The following SPAG16 variants were observed in gnomAD, a reference collection of about 807,000 sequenced individuals.
SPAG16 encodes the protein sperm associated antigen 16.
Under a neutral mutation model 80.4 loss-of-function variants are expected in SPAG16, and 86 were observed. The observed-to-expected ratio is 1.07, with a 90% CI of 0.90 to 1.28. The LOEUF (loss-of-function observed/expected upper bound fraction) is 1.28, where lower values mean the gene tolerates loss of function less well. Among genes scored for constraint, SPAG16 ranks in the 50% most tolerant of loss-of-function variants. The pLI is 0.00. For missense variants in SPAG16, 870 were observed against 765.3 expected (o/e 1.14, Z -1.61); for synonymous variants, 294 against 265.9 (o/e 1.11, Z -1.03).
intron 10 of SPAG16, among the ~76,000 whole-genome samples, chr2:213,720,726 C>G (rs1309370705): frequency 2.0e-5 from 3 of 149,450 alleles, no homozygotes; most frequent in Non-Finnish European, 4.4e-5. Flanking sequence ...AGCCAAGTGC[C>G]TGGCCGAAGT....
intron 2 of SPAG16, chr2:213,297,016 T>C (rs1198681571): frequency 7.9e-7 from 1 of 1,268,734 alleles, no homozygotes; most frequent in East Asian, 4.1e-5. Context: ...ACATTTTCTA[T>C]TATAGATAAA....
At chr2:214,386,946 G>C (rs1488761756) in intron 15 of SPAG16, among the ~76,000 whole-genome samples, 1 of 144,244 alleles carries the variant, frequency 6.9e-6, no homozygotes, top group African/African-American at 2.9e-5. Flanking sequence ...TTCTATCTCA[G>C]CTTCTAACAG....
chr2:214,395,673 C>T (rs1701324410), intron 15 of SPAG16, among the ~76,000 whole-genome samples: 1 of 151,978 alleles, frequency 6.6e-6, no homozygotes, highest in African/African-American at 2.4e-5. Context: ...GATCCTCTTC[C>T]TCCTCCCACC....
chr2:213,963,048 G>A (rs2044532015), intron 12 of SPAG16, among the ~76,000 whole-genome samples: 2 of 135,512 alleles, frequency 1.5e-5, no homozygotes, highest in Admixed American at 7.3e-5. Context: ...ATTTCCTACT[G>A]TTATTTTGTT....
chr2:214,252,955 T>C (rs1690405345), intron 15 of SPAG16, among the ~76,000 whole-genome samples: 1 of 152,056 alleles, frequency 6.6e-6, no homozygotes, highest in African/African-American at 2.4e-5. Context: ...CTCTCCAGCA[T>C]CTGTTGTTTC....
At chr2:214,092,710 T>G (rs1300170232) in intron 13 of SPAG16, among the ~76,000 whole-genome samples, 2 of 152,062 alleles carry the variant, frequency 1.3e-5, no homozygotes, top group Non-Finnish European at 2.9e-5. Flanking sequence ...ATACCCAACC[T>G]TCTAAACTCA....
chr2:214,156,613 A>T (rs1311911636), intron 15 of SPAG16, among the ~76,000 whole-genome samples: 1 of 152,130 alleles, frequency 6.6e-6, no homozygotes, highest in Non-Finnish European at 1.5e-5. Flanking sequence ...TTTGATTTCT[A>T]CAGAACATTT....
At chr2:213,357,176 T>C (rs1302195801) in intron 7 of SPAG16, among the ~76,000 whole-genome samples, 105 of 152,210 alleles carry the variant, frequency 6.9e-4, no homozygotes, top group African/African-American at 2.4e-3. Context: ...TTACTTCCAA[T>C]TATATGGTCA....
chr2:214,027,873 A>AT (rs1156500892), intron 13 of SPAG16, among the ~76,000 whole-genome samples: 14 of 151,840 alleles, frequency 9.2e-5, no homozygotes, highest in Non-Finnish European at 1.8e-4. Flanking sequence ...CTAGTTGAAC[A>AT]TTTTTTCTGT....
chr2:214,070,369 G>C (rs1056675491), intron 13 of SPAG16, among the ~76,000 whole-genome samples: 1 of 151,652 alleles, frequency 6.6e-6, no homozygotes, highest in African/African-American at 2.4e-5. Context: ...ATTCATTTTG[G>C]CATATGGTAT....
chr2:213,548,723 C>CT (rs527971423), intron 10 of SPAG16, among the ~76,000 whole-genome samples: 33 of 151,800 alleles, frequency 2.2e-4, no homozygotes, highest in South Asian at 1.0e-3. Flanking sequence ...TCTATGAGCC[C>CT]TTTTTTGTAT....
intron 9 of SPAG16, among the ~76,000 whole-genome samples, chr2:213,401,255 G>A (rs770049057): frequency 3.3e-5 from 5 of 152,144 alleles, no homozygotes; most frequent in African/African-American, 7.2e-5. Flanking sequence ...AAAAGAATGC[G>A]GCCATTTCCC....
chr2:213,926,912 G>A (rs1025079672), intron 11 of SPAG16, among the ~76,000 whole-genome samples: 2 of 152,114 alleles, frequency 1.3e-5, no homozygotes, highest in African/African-American at 4.8e-5. Flanking sequence ...TACCAACAGC[G>A]TGGATCTACA....
At chr2:214,293,186 G>A (rs1393089735) in intron 15 of SPAG16, among the ~76,000 whole-genome samples, 1 of 152,232 alleles carries the variant, frequency 6.6e-6, no homozygotes, top group Admixed American at 6.5e-5. Flanking sequence ...CCAGGCTTGT[G>A]TGTGGGTTCT....
In SPAG16 at chr2:213,795,651, G is replaced by A. The variant is rs184451176; in HGVS notation, c.1071-66834G>A. ...TGTTAGAGGTGGGGCCTGGTGGGAG[G>A]TGATTAGATCATGAGGGTGGATCTT... On this transcript the variant is annotated intron_variant, in intron 10 of 15. Coordinates refer to ENST00000331683, the MANE Select transcript of SPAG16 (RefSeq NM_024532.5). Among the ~76,000 whole-genome samples, 23 of 152,282 alleles carry A rather than the reference G, an allele frequency of 1.5e-4. No individual in the cohort carries two copies. The East Asian group carries it at 4.1e-3, about 27-fold the overall frequency.
chr2:213,620,492 C>G (rs936076901), intron 10 of SPAG16, among the ~76,000 whole-genome samples: 2 of 151,766 alleles, frequency 1.3e-5, no homozygotes, highest in Non-Finnish European at 2.9e-5. Context: ...TAGGGTTTCA[C>G]CGTGTTAGCC....
At chr2:213,500,077 C>G (rs2074672575) in intron 10 of SPAG16, among the ~76,000 whole-genome samples, 1 of 152,180 alleles carries the variant, frequency 6.6e-6, no homozygotes, top group African/African-American at 2.4e-5. Flanking sequence ...CAGTTCTATT[C>G]TTTAACTGTC....
At chr2:214,071,317 A>G (rs751873124) in intron 13 of SPAG16, among the ~76,000 whole-genome samples, 32 of 152,140 alleles carry the variant, frequency 2.1e-4, no homozygotes, top group Non-Finnish European at 4.4e-4. Context: ...CAAATAGTCT[A>G]TGCTCAGCAC....
intron 10 of SPAG16, among the ~76,000 whole-genome samples, chr2:213,589,434 G>T (rs2060600635): frequency 6.6e-6 from 1 of 152,180 alleles, no homozygotes; most frequent in Admixed American, 6.5e-5. Flanking sequence ...AATAAAAGTT[G>T]ATTTCTAATT....
Sources: allele counts gnomAD v4.1 joint callset (sites outside exome capture counted in the v4.1 genomes callset), GRCh38; gene constraint gnomAD v4.1.1; transcripts MANE v1.5; gene names NCBI Gene and HGNC (gene_info 2026-07-23, HGNC 2026-07-21).